Variants in TMEM178B observed in about 807,000 individuals in gnomAD.
The protein encoded by TMEM178B is transmembrane protein 178B.
Under a neutral mutation model 31.0 loss-of-function variants are expected in TMEM178B, and 5 were observed. The observed-to-expected ratio is 0.16, with a 90% confidence interval of 0.08 to 0.34. TMEM178B has a LOEUF of 0.34. Among genes scored for constraint, TMEM178B ranks in the 10% least tolerant of loss-of-function variants. The pLI is 1.00. For missense variants in TMEM178B, 275 were observed against 400.3 expected, an observed-to-expected ratio of 0.69 and a Z score of 2.67; for synonymous variants, 164 against 164.0, an observed-to-expected ratio of 1.00 and a Z score of 0.00.
At chr7:141,245,703 T>TC (rs768263171) in intron 2 of TMEM178B, among the ~76,000 whole-genome samples, 1 of 152,198 alleles carries the variant, frequency 6.6e-6, no homozygotes, top group Non-Finnish European at 1.5e-5. Context: ...CTGATGGAAC[T>TC]CCACAGGAAT....
At chr7:141,309,683 G>A (rs1052266019) in intron 2 of TMEM178B, among the ~76,000 whole-genome samples, 3 of 152,028 alleles carry the variant, frequency 2.0e-5, no homozygotes, top group Non-Finnish European at 2.9e-5. Flanking sequence ...TTACCTATCC[G>A]TGTCTTGTCA....
intron 2 of TMEM178B, among the ~76,000 whole-genome samples, chr7:141,376,079 C>G (rs980111353): frequency 1.3e-5 from 2 of 152,224 alleles, no homozygotes; most frequent in African/African-American, 4.8e-5. Flanking sequence ...GCATTTGTCT[C>G]CCTTTTGATC....
chr7:141,223,641 G>T (rs73737726), intron 2 of TMEM178B, among the ~76,000 whole-genome samples: 2,963 of 152,160 alleles, frequency 0.019, 95 homozygotes, highest in African/African-American at 0.068. Context: ...TGGGAGTTTG[G>T]GGGTGGGGAT....
intron 2 of TMEM178B, among the ~76,000 whole-genome samples, chr7:141,426,338 C>T (rs1801315683): frequency 6.6e-6 from 1 of 152,104 alleles, no homozygotes; most frequent in South Asian, 2.1e-4. Flanking sequence ...ATGAATGCAA[C>T]CCTCAACAAG....
intron 1 of TMEM178B, among the ~76,000 whole-genome samples, chr7:141,188,781 T>C (rs531331889): frequency 6.6e-6 from 1 of 152,304 alleles, no homozygotes; most frequent in East Asian, 1.9e-4. Context: ...ACACAAAAAT[T>C]ACAGGCTGCT....
At chr7:141,201,170 C>T (rs756168770) in intron 1 of TMEM178B, among the ~76,000 whole-genome samples, 1 of 152,200 alleles carries the variant, frequency 6.6e-6, no homozygotes, top group South Asian at 2.1e-4. Context: ...GCCATCCCCT[C>T]GGGTGACAGC....
chr7:141,275,343 C>T (rs1344499540), intron 2 of TMEM178B, among the ~76,000 whole-genome samples: 1 of 152,152 alleles, frequency 6.6e-6, no homozygotes, highest in African/African-American at 2.4e-5. Flanking sequence ...CAGTAAAGTA[C>T]TTATAGCTGC....
At chr7:141,486,307 A>T in the TMEM178B span, among the ~76,000 whole-genome samples, 1 of 152,196 alleles carries the variant, frequency 6.6e-6, no homozygotes, top group Admixed American at 6.5e-5. Flanking sequence ...TACAATGTAC[A>T]TTATTCAGGT....
intron 2 of TMEM178B, among the ~76,000 whole-genome samples, chr7:141,326,946 A>T (rs1460717620): frequency 6.6e-6 from 1 of 152,190 alleles, no homozygotes; most frequent in Non-Finnish European, 1.5e-5. Flanking sequence ...AATTTAATTT[A>T]ACTCACATTT....
intron 2 of TMEM178B, among the ~76,000 whole-genome samples, chr7:141,303,878 A>G (rs1375377578): frequency 6.6e-6 from 1 of 152,234 alleles, no homozygotes; most frequent in East Asian, 1.9e-4. Context: ...TGCATGCAAC[A>G]TATTGCTCTA....
intron 2 of TMEM178B, among the ~76,000 whole-genome samples, chr7:141,280,402 GT>G (rs1434805368): frequency 3.9e-5 from 6 of 152,084 alleles, no homozygotes; most frequent in African/African-American, 1.4e-4. Flanking sequence ...CATGGGGGTG[GT>G]TTCCCCCATA....
intron 2 of TMEM178B, among the ~76,000 whole-genome samples, chr7:141,312,096 C>G (rs1798920065): frequency 6.6e-6 from 1 of 152,202 alleles, no homozygotes; most frequent in Non-Finnish European, 1.5e-5. Flanking sequence ...CTTACTTATT[C>G]TCACATTTCC....
chr7:141,284,052 A>G (rs1393485258), intron 2 of TMEM178B, among the ~76,000 whole-genome samples: 1 of 152,198 alleles, frequency 6.6e-6, no homozygotes, highest in Non-Finnish European at 1.5e-5. Flanking sequence ...GCTGCTACTT[A>G]TTAAGGCTTG....
At chr7:141,199,922 G>C (rs1182002048) in intron 1 of TMEM178B, among the ~76,000 whole-genome samples, 2 of 151,992 alleles carry the variant, frequency 1.3e-5, no homozygotes, top group Non-Finnish European at 1.5e-5. Flanking sequence ...GTAGTGGCGG[G>C]TGCCTATAGT....
chr7:141,339,194 T>A (rs1167344461), intron 2 of TMEM178B, among the ~76,000 whole-genome samples: 1 of 152,196 alleles, frequency 6.6e-6, no homozygotes, highest in Non-Finnish European at 1.5e-5. Flanking sequence ...GGCTTTCTTG[T>A]CCCTGAGGAG....
intron 1 of TMEM178B, among the ~76,000 whole-genome samples, chr7:141,085,142 T>C (rs1027433721): frequency 1.8e-4 from 26 of 142,592 alleles, no homozygotes; most frequent in Admixed American, 1.8e-3. Flanking sequence ...CACTCTCGGC[T>C]AATTTGTATT....
intron 2 of TMEM178B, among the ~76,000 whole-genome samples, chr7:141,369,619 G>A (rs1800076273): frequency 6.6e-6 from 1 of 152,138 alleles, no homozygotes; most frequent in South Asian, 2.1e-4. Context: ...TCCACCCCGC[G>A]TTCCTAATGG....
intron 3 of TMEM178B, among the ~76,000 whole-genome samples, chr7:141,454,020 G>A (rs1435036709): frequency 1.3e-5 from 2 of 151,636 alleles, no homozygotes; most frequent in Non-Finnish European, 2.9e-5. Flanking sequence ...GGAATGTCAA[G>A]AGCTGTGTCC....
chr7:141,218,813 TTG>T (rs1797205243), intron 2 of TMEM178B, among the ~76,000 whole-genome samples: 1 of 152,112 alleles, frequency 6.6e-6, no homozygotes, highest in South Asian at 2.1e-4. Flanking sequence ...CACCCTGAAC[TTG>T]TGTTGGCTCT....
Sources: gnomAD v4.1 joint callset for allele counts (sites outside exome capture counted in the v4.1 genomes callset) on GRCh38, gnomAD v4.1.1 for gene constraint, MANE v1.5 for transcripts, NCBI Gene and HGNC (gene_info 2026-07-23, HGNC 2026-07-21) for gene names.